BBS7: variants seen among roughly 807,000 people sequenced by gnomAD.
The protein encoded by BBS7 is BBSome complex member BBS7.
BBS7 carries 50 observed loss-of-function variants against 90.3 expected under a neutral mutation model. The ratio of observed to expected loss-of-function variants is 0.55; its 90% confidence interval spans 0.44 to 0.70. The LOEUF (loss-of-function observed/expected upper bound fraction) is 0.70. BBS7 is among the 30% of genes least tolerant of loss of function. BBS7 has a pLI of 0.00. For missense variants in BBS7, 729 were observed against 838.9 expected (o/e 0.87, Z 1.62); for synonymous variants, 235 against 287.4 (o/e 0.82, Z 1.85).
chr4:121,839,574 C>G, intron 13 of BBS7, 57 bp downstream of exon 13: 1 of 1,336,894 alleles, frequency 7.5e-7, no homozygotes, highest in South Asian at 1.2e-5. Context: ...GTAAGACATA[C>G]CAGCAGGAAA....
At chr4:121,837,077 G>A (rs891688607) in intron 13 of BBS7, among the ~76,000 whole-genome samples, 1 of 151,442 alleles carries the variant, frequency 6.6e-6, no homozygotes, top group Non-Finnish European at 1.5e-5. Context: ...ATCATGCCTC[G>A]GCCTCCCAAG....
intron 2 of BBS7, among the ~76,000 whole-genome samples, chr4:121,866,562 G>T (rs1412801845): frequency 1.3e-5 from 2 of 152,108 alleles, no homozygotes; most frequent in South Asian, 4.2e-4. Flanking sequence ...ACCACACCTG[G>T]CCACATTTAG....
At chr4:121,853,267 T>C (rs895679564) in intron 7 of BBS7, among the ~76,000 whole-genome samples, 181 bp from the exon 8 acceptor site, 28 of 152,204 alleles carry the variant, frequency 1.8e-4, no homozygotes, top group Non-Finnish European at 3.5e-4. Context: ...TCTTTAAATA[T>C]AATCTGTGTG....
At chr4:121,855,202 G>A (rs1046864018) in intron 6 of BBS7, among the ~76,000 whole-genome samples, 10 of 152,008 alleles carry the variant, frequency 6.6e-5, no homozygotes, top group African/African-American at 2.4e-4. Context: ...GTAGTACTAG[G>A]GAGGCTGAGG....
chr4:121,858,510 C>G (rs996854847), intron 5 of BBS7: 6 of 159,136 alleles, frequency 3.8e-5, no homozygotes, highest in African/African-American at 1.4e-4. Flanking sequence ...ATAAGGACAT[C>G]AAAATGAATT....
intron 2 of BBS7, among the ~76,000 whole-genome samples, chr4:121,864,128 A>G (rs1198326189): frequency 6.6e-6 from 1 of 152,216 alleles, no homozygotes; most frequent in Non-Finnish European, 1.5e-5. Context: ...CTGAGGTAGA[A>G]CACAGTTTCA....
At chr4:121,840,914 T>C (rs1006487425) in intron 12 of BBS7, among the ~76,000 whole-genome samples, 2 of 151,710 alleles carry the variant, frequency 1.3e-5, no homozygotes, top group Non-Finnish European at 2.9e-5. Flanking sequence ...CTCAGCTCAA[T>C]GTAACCTCTG....
intron 2 of BBS7, among the ~76,000 whole-genome samples, chr4:121,863,823 C>G (rs1727113465): frequency 6.6e-6 from 1 of 152,122 alleles, no homozygotes; most frequent in African/African-American, 2.4e-5. Context: ...CACCTAGTTT[C>G]AACAATTACC....
At chr4:121,855,453 A>T (rs1444701242) in intron 6 of BBS7, 36 bp downstream of exon 6, 1 of 1,560,456 alleles carries the variant, frequency 6.4e-7, no homozygotes, top group Admixed American at 1.7e-5. Context: ...CTATTAAAAC[A>T]CATAGTTGAT....
intron 2 of BBS7, among the ~76,000 whole-genome samples, chr4:121,864,419 G>A (rs1727151776): frequency 6.6e-6 from 1 of 152,146 alleles, no homozygotes; most frequent in South Asian, 2.1e-4. Flanking sequence ...ATCTATGTGT[G>A]TATGCTTATG....
intron 6 of BBS7, 22 bp downstream of exon 6, chr4:121,855,467 T>TA: frequency 6.2e-7 from 1 of 1,604,994 alleles, no homozygotes; most frequent in Non-Finnish European, 8.5e-7. Flanking sequence ...AGTTGATTTG[T>TA]GAAAAATAAA....
At chr4:121,868,603 T>C (rs1727409115) in intron 1 of BBS7, among the ~76,000 whole-genome samples, 1 of 136,122 alleles carries the variant, frequency 7.3e-6, no homozygotes. Flanking sequence ...ATAACTTGAG[T>C]CCAGGAATTT....
rs1240709870 is a variant in BBS7, at chr4:121,870,343, C to T, written c.-30G>A. ...ACTACGCGGAGGGGCTAAGCAGCGC[C>T]GGACAAGAACAGGAGGGACAGAGGC... On this transcript the variant is annotated 5_prime_UTR_variant, in exon 1 of 19. Coordinates refer to ENST00000264499, the MANE Select transcript of BBS7 (RefSeq NM_176824.3). The T allele has an allele frequency of 1.9e-6, 3 of 1,613,950 alleles. No individual in the cohort carries two copies. In the South Asian group the frequency reaches 3.3e-5, roughly 18 times the overall value.
At chr4:121,841,455 C>T (rs1725735817) in intron 12 of BBS7, among the ~76,000 whole-genome samples, 1 of 152,074 alleles carries the variant, frequency 6.6e-6, no homozygotes, top group Non-Finnish European at 1.5e-5. Context: ...GTCCTACGTA[C>T]TCAGGAGACT....
rs1275376365 is a variant in BBS7 at position 121,825,029 on chromosome 4, A to T, written c.*831T>A. ...CATATATGATAAAAAGAGATCTAGA[A>T]GATACTAGTGTAGGAAAATCTAAGA... On this transcript the variant is annotated 3_prime_UTR_variant, in exon 19 of 19. Transcript: ENST00000264499. 1 of 152,212 alleles carries T rather than the reference A, an allele frequency of 6.6e-6. No individual in the cohort carries two copies. The highest frequency in any genetic ancestry group is 2.4e-5 in the African/African-American group (1 of 41,456). 9.4% of individuals were successfully genotyped at this position (152,212 alleles called of 1,614,324 possible). A position where few individuals can be genotyped will look rare whatever the true frequency, so the allele number is the denominator to read the frequency against.
Position 121,861,631 on chromosome 4 carries a change from C to T in BBS7, c.214G>A (p.Gly72Arg), listed in dbSNP as rs572718618. 8 of 1,613,504 alleles carry T rather than the reference C, an allele frequency of 5.0e-6. No homozygotes were observed. The highest frequency in any genetic ancestry group is 4.0e-5 in the African/African-American group (3 of 74,946). The change falls in exon 4 of 19, where the codon GGA becomes AGA. Residue 72 changes from glycine (G) to arginine (R), a missense_variant. Transcript: ENST00000264499. ...PGPKIARLEL[G>R]GVINTPQEKI... ...TCCTGAGGTGTGTTGATAACCCCTC[C>T]CAGTTCCAGCCTTGCAATCTTCGGC... is the stretch of plus-strand genomic sequence containing the variant.
intron 13 of BBS7, among the ~76,000 whole-genome samples, chr4:121,835,515 A>C (rs550608999): frequency 6.6e-6 from 1 of 152,298 alleles, no homozygotes; most frequent in East Asian, 1.9e-4. Flanking sequence ...TAATCTAATT[A>C]ATACTTTAAC....
At chr4:121,865,831 A>G (rs897534288) in intron 2 of BBS7, among the ~76,000 whole-genome samples, 1 of 152,226 alleles carries the variant, frequency 6.6e-6, no homozygotes, top group African/African-American at 2.4e-5. Flanking sequence ...CCAATGGCAC[A>G]GAAGAGTTTC....
At chr4:121,863,369 A>G in intron 2 of BBS7, 90 bp from the exon 3 acceptor site, 1 of 1,153,716 alleles carries the variant, frequency 8.7e-7, no homozygotes. Flanking sequence ...CTTAATTTAT[A>G]AATACTGACT....
Sources: gnomAD v4.1 joint callset for allele counts (sites outside exome capture counted in the v4.1 genomes callset) on GRCh38, gnomAD v4.1.1 for gene constraint, MANE v1.5 for transcripts, NCBI Gene and HGNC (gene_info 2026-07-23, HGNC 2026-07-21) for gene names.